TRIM16: variants seen among roughly 807,000 people sequenced by gnomAD.
TRIM16 encodes the protein tripartite motif-containing protein 16.
A neutral mutation model predicts 50.4 loss-of-function variants in TRIM16; 33 were observed. The ratio of observed to expected loss-of-function variants is 0.65; its 90% CI spans 0.50 to 0.88. TRIM16 has a LOEUF of 0.88. TRIM16 is among the 40% of genes least tolerant of loss of function. The pLI, the probability that TRIM16 is intolerant of heterozygous loss-of-function variation, is 0.00. For synonymous variants in TRIM16, 229 were observed against 270.7 expected, an observed-to-expected ratio of 0.85 and a Z score of 1.51; for missense variants, 581 against 686.8, an observed-to-expected ratio of 0.85 and a Z score of 1.72.
intron 7 of TRIM16, among the ~76,000 whole-genome samples, chr17:15,647,963 C>G (rs189072883): frequency 6.6e-6 from 1 of 152,146 alleles, no homozygotes; most frequent in Non-Finnish European, 1.5e-5. Flanking sequence ...TGGTGGCTCA[C>G]GCCTGTAATC....
At position 15,636,263 on chromosome 17, in the gene TRIM16, C is replaced by T. The variant is rs1157617295; in HGVS notation, c.622G>A (p.Val208Met). 2 of 1,608,452 alleles carry T rather than the reference C, an allele frequency of 1.2e-6. No individual in the cohort carries two copies. Among genetic ancestry groups the T allele is most frequent in the Non-Finnish European group, 1.7e-6 (2 of 1,178,110 alleles). ...QANQKSVLVSVSEVKAVAEMQ... is the reference protein window; with the variant it reads ...QANQKSVLVSMSEVKAVAEMQ... ...TCAGCCACCGCTTTGACCTCTGACA[C>T]CGACACCTGGCAGGGGGTGGGGGTG... is the stretch of plus-strand genomic sequence containing the variant. The change falls in exon 9 of 12, where the codon GTG (valine) becomes ATG (methionine). Residue 208 changes from valine to methionine, a missense_variant. Physicochemically the swap from Val to Met is conservative, Grantham distance 21 (BLOSUM62 1). Around this residue, in one of 3 missense-constraint regions of TRIM16, gnomAD observed 450 missense variants for 544.3 expected, o/e 0.83. Coordinates refer to ENST00000649191, the MANE Select transcript of TRIM16 (RefSeq NM_001348119.1).
intron 6 of TRIM16, among the ~76,000 whole-genome samples, chr17:15,662,300 C>T (rs1027589031): frequency 6.6e-6 from 1 of 152,134 alleles, no homozygotes; most frequent in Non-Finnish European, 1.5e-5. Context: ...ACTTGTGACT[C>T]CAAAGCTTAA....
intron 6 of TRIM16, among the ~76,000 whole-genome samples, chr17:15,665,326 A>G (rs4792647): frequency 0.2 from 29,434 of 149,116 alleles, 7,018 homozygotes; most frequent in African/African-American, 0.61. Context: ...TGGCTAACCC[A>G]GTGAAACCCC....
In TRIM16 at chr17:15,683,110, T is replaced by C. The variant is rs1190647554; in HGVS notation, c.-851A>G. 1 of 1,550,582 alleles carries C rather than the reference T, an allele frequency of 6.4e-7. No homozygotes were observed. The highest frequency in any genetic ancestry group is 2.4e-5 in the East Asian group (1 of 40,920). ...TTCACTATTTGGGTGTAGCAACCTT[T>C]CCGTTCTCCACGTATCTTCCTGGAA... On this transcript the variant is annotated 5_prime_UTR_variant, in exon 2 of 12. Coordinates refer to ENST00000649191, the MANE Select transcript of TRIM16 (RefSeq NM_001348119.1).
chr17:15,630,811 G>C (rs1165643397), intron 11 of TRIM16, among the ~76,000 whole-genome samples: 1 of 150,186 alleles, frequency 6.7e-6, no homozygotes, highest in African/African-American at 2.5e-5. Flanking sequence ...CAGAGACCCT[G>C]TCTCAAAAAA....
Position 15,629,119 on chromosome 17 carries a change from G to A in TRIM16, c.1191C>T (p.Asn397=), listed in dbSNP as rs1986266657. The part of the protein sequence containing the change: ...RLQEENRKVT[N]TTPWEHPYPD... ...GGTAGGGATGCTCCCAGGGCGTGGT[G>A]TTGGTGACCTTGCGGTTCTCCTCCT... Residue 397 remains asparagine, a synonymous_variant, in exon 12 of 12, where the codon AAC becomes AAT. Coordinates refer to ENST00000649191, the MANE Select transcript of TRIM16 (RefSeq NM_001348119.1). 2 of 1,613,422 alleles carry A rather than the reference G, an allele frequency of 1.2e-6. No individual in the cohort carries two copies. Among genetic ancestry groups the A allele is most frequent in the Admixed American group, 1.7e-5 (1 of 59,938 alleles).
intron 6 of TRIM16, among the ~76,000 whole-genome samples, chr17:15,665,169 C>G (rs1267011236): frequency 6.6e-6 from 1 of 151,764 alleles, no homozygotes; most frequent in African/African-American, 2.4e-5. Context: ...TGAAAACCAA[C>G]TTTTCATTAT....
chr17:15,654,856 A>G (rs1987899289), intron 6 of TRIM16, among the ~76,000 whole-genome samples: 2 of 152,112 alleles, frequency 1.3e-5, no homozygotes, highest in African/African-American at 4.8e-5. Context: ...GGGCCAGTGC[A>G]CCTAAATAAT....
At chr17:15,632,793 C>T in intron 9 of TRIM16, 119 bp from the exon 10 acceptor site, 1 of 1,282,376 alleles carries the variant, frequency 7.8e-7, no homozygotes. Context: ...GTGTCCTTCA[C>T]AAAGAAAGTA....
chr17:15,648,370 T>C (rs957907115), intron 7 of TRIM16, among the ~76,000 whole-genome samples: 1 of 151,930 alleles, frequency 6.6e-6, no homozygotes, highest in Admixed American at 6.5e-5. Flanking sequence ...AGAGAAAAGA[T>C]AATCAAAGAA....
Position 15,649,009 on chromosome 17 carries a change from T to C in TRIM16, c.519+2082A>G, listed in dbSNP as rs530491136. Among the ~76,000 whole-genome samples the C allele has an allele frequency of 4.6e-5, 7 of 152,292 alleles. No homozygotes were observed. In the East Asian group the frequency reaches 1.2e-3, roughly 25 times the overall value. Reference sequence around the variant, plus strand: ...CCTCAGTTGTCCTCATTTTACCTTATACACTTCTCTCCTAGGATGTCTGAA... The same window carrying C: ...CCTCAGTTGTCCTCATTTTACCTTACACACTTCTCTCCTAGGATGTCTGAA... On this transcript the variant is annotated intron_variant, in intron 7 of 11. Transcript: ENST00000649191.
chr17:15,666,183 A>G (rs1004623633), intron 6 of TRIM16, among the ~76,000 whole-genome samples: 2 of 152,092 alleles, frequency 1.3e-5, no homozygotes, highest in African/African-American at 4.8e-5. Flanking sequence ...TCCTACATCT[A>G]CTCATTGCTT....
In TRIM16 at chr17:15,636,111, C is replaced by T. The variant is rs201631156; in HGVS notation, c.774G>A (p.Arg258=). ...GCTTGCTCTTCTCCATCTCGGCACT[C>T]CTGTACTCCAGGTGGGCCTTGATAC... ...ANGIKAHLEY[R]SAEMEKSKQE... is the part of the protein sequence containing the mutation. Residue 258 remains arginine (R), a synonymous_variant, in exon 9 of 12, where the codon AGG becomes AGA. Transcript: ENST00000649191. The T allele has an allele frequency of 5.0e-5, 81 of 1,609,724 alleles. 2 individuals are homozygous for T. The highest frequency in any genetic ancestry group is 5.9e-6 in the Non-Finnish European group (7 of 1,178,878).
chr17:15,670,885 T>C (rs1278387976), intron 6 of TRIM16, among the ~76,000 whole-genome samples: 1 of 152,270 alleles, frequency 6.6e-6, no homozygotes, highest in East Asian at 1.9e-4. Context: ...CATCATCTGA[T>C]ATCAATAATA....
Position 15,631,674 on chromosome 17 carries a change from C to A in TRIM16, c.1056G>T (p.Gln352His). Reference sequence around the variant, plus strand: ...CAGGTTTGGAAGTCCAATATTTGCGCTGAACAACGGCAGACACTTGAGTTC... The same window carrying A: ...CAGGTTTGGAAGTCCAATATTTGCGATGAACAACGGCAGACACTTGAGTTC... The part of the protein sequence containing the change: ...DIRTQVSAVV[Q>H]RKYWTSKPEP... The change falls in exon 11 of 12, where the codon CAG becomes CAT. Residue 352 changes from glutamine (Q) to histidine (H), a missense_variant. Coordinates refer to ENST00000649191, the MANE Select transcript of TRIM16 (RefSeq NM_001348119.1). 6.2e-7 allele frequency: 1 copy of A among 1,613,902 alleles called. No homozygotes were observed. The highest frequency in any genetic ancestry group is 8.5e-7 in the Non-Finnish European group (1 of 1,179,862).
chr17:15,632,073 C>T (rs188773890), intron 10 of TRIM16: 6 of 325,334 alleles, frequency 1.8e-5, no homozygotes, highest in Admixed American at 4.7e-5. Flanking sequence ...GTAACATACC[C>T]TGTCTGAAGC....
intron 6 of TRIM16, among the ~76,000 whole-genome samples, chr17:15,663,851 CAGATGCAGTGCTGTCATCAGCCCA>C (rs1326465511): frequency 1.3e-5 from 2 of 152,280 alleles, no homozygotes; most frequent in Non-Finnish European, 2.9e-5. Flanking sequence ...CATGTCTGGT[CAGATGCAGTGCTGTCATCAGCCCA>C]GGATGCAGTA....
At chr17:15,642,063 C>T (rs566644340) in intron 8 of TRIM16, among the ~76,000 whole-genome samples, 5 of 148,688 alleles carry the variant, frequency 3.4e-5, no homozygotes, top group Non-Finnish European at 6.0e-5. Context: ...AGACTGGTCT[C>T]GAACTCCTGA....
Position 15,628,763 on chromosome 17 carries a change from A to G in TRIM16, c.1547T>C (p.Met516Thr). 6.2e-7 allele frequency: 1 copy of G among 1,614,234 alleles called. No individual in the cohort carries two copies. The highest frequency in any genetic ancestry group is 8.5e-7 in the Non-Finnish European group (1 of 1,180,040). Residue 516 changes from methionine to threonine, a missense_variant, in exon 12 of 12, where the codon ATG (methionine) becomes ACG (threonine). Met to Thr is a moderately conservative substitution (Grantham distance 81). Around this residue, in one of 3 missense-constraint regions of TRIM16, gnomAD observed 115 missense variants for 106.7 expected, o/e 1.08. Transcript: ENST00000649191. ...GCAGGCAAACTTGTGAACCAGAGTC[A>G]TGGTATCATACTCTACGCCATAGAA... Reference protein sequence around the residue: ...LSFYGVEYDTMTLVHKFACKF... With the variant: ...LSFYGVEYDTTTLVHKFACKF...
Sources: allele counts gnomAD v4.1 joint callset (sites outside exome capture counted in the v4.1 genomes callset), GRCh38; gene constraint gnomAD v4.1.1; regional missense constraint gnomAD v4.1.1; transcripts MANE v1.5; gene names NCBI Gene and HGNC (gene_info 2026-07-23, HGNC 2026-07-21).